Variants in FRAS1 observed in about 807,000 individuals in gnomAD.
The protein encoded by FRAS1 is Fraser extracellular matrix complex subunit 1.
FRAS1 carries 290 observed loss-of-function variants against 435.2 expected under a neutral mutation model. That is an observed-to-expected ratio of 0.67 (90% CI 0.61 to 0.73). The LOEUF (loss-of-function observed/expected upper bound fraction) is 0.73, where lower values mean the gene tolerates loss of function less well. FRAS1 is among the 30% of genes least tolerant of loss of function. The probability of loss-of-function intolerance (pLI) is 0.00; values close to 1 mark genes in which losing one functional copy is unlikely to be tolerated. For synonymous variants in FRAS1, 1,800 were observed against 1,851.0 expected (o/e 0.97, Z 0.71); for missense variants, 4,860 against 5,001.5 (o/e 0.97, Z 0.85).
intron 28 of FRAS1, among the ~76,000 whole-genome samples, chr4:78,386,244 C>T (rs180742663): frequency 2.0e-5 from 3 of 152,160 alleles, no homozygotes; most frequent in Admixed American, 2.0e-4. Context: ...TATTTTCATT[C>T]CTTTAAATTT....
At chr4:78,159,260 G>T (rs578170843) in intron 2 of FRAS1, among the ~76,000 whole-genome samples, 1 of 152,254 alleles carries the variant, frequency 6.6e-6, no homozygotes, top group East Asian at 1.9e-4. Context: ...GATGTACTGG[G>T]AATATGAAGG....
intron 2 of FRAS1, among the ~76,000 whole-genome samples, chr4:78,097,723 C>G (rs763540591): frequency 5.3e-5 from 8 of 152,198 alleles, no homozygotes; most frequent in Admixed American, 2.6e-4. Context: ...GTGCCTCCCA[C>G]AACACATGGG....
chr4:78,418,769 G>A (rs141235291), intron 32 of FRAS1, among the ~76,000 whole-genome samples, 180 bp from the exon 33 acceptor site: 45 of 152,240 alleles, frequency 3.0e-4, no homozygotes, highest in African/African-American at 1.1e-3. Flanking sequence ...TAGGAGGGGA[G>A]GCTTAGGAAA....
chr4:78,512,494 T>C (rs1007020963), intron 64 of FRAS1, among the ~76,000 whole-genome samples: 3 of 143,006 alleles, frequency 2.1e-5, no homozygotes, highest in Non-Finnish European at 4.6e-5. Context: ...GTAAACACGC[T>C]CAAAGTTTAA....
At chr4:78,215,293 T>G (rs1051110918) in intron 2 of FRAS1, among the ~76,000 whole-genome samples, 1 of 152,076 alleles carries the variant, frequency 6.6e-6, no homozygotes, top group Non-Finnish European at 1.5e-5. Flanking sequence ...CCTCCTGGGT[T>G]CAACGAATTC....
At chr4:78,275,614 CT>C (rs1225117463) in intron 9 of FRAS1, among the ~76,000 whole-genome samples, 2 of 152,136 alleles carry the variant, frequency 1.3e-5, no homozygotes, top group Non-Finnish European at 2.9e-5. Context: ...GTTGAGAATT[CT>C]TTTCTTTAAG....
At chr4:78,116,010 A>G (rs13148650) in intron 2 of FRAS1, among the ~76,000 whole-genome samples, 73,523 of 152,066 alleles carry the variant, frequency 0.48, 20,191 homozygotes, top group Non-Finnish European at 0.61. Flanking sequence ...AATGTGTCCC[A>G]GAGATTCTGG....
chr4:78,283,371 A>G (rs186750786), intron 12 of FRAS1, among the ~76,000 whole-genome samples: 277 of 152,368 alleles, frequency 1.8e-3, no homozygotes, highest in Middle Eastern at 0.01. Flanking sequence ...AAGGTGAGCT[A>G]TTGAACAGAT....
In FRAS1 at chr4:78,540,724, G is replaced by A. The variant is rs1456403720; in HGVS notation, c.11639G>A (p.Gly3880Asp). 1.2e-6 allele frequency: 2 copies of A among 1,613,754 alleles called. No individual in the cohort carries two copies. ...AATGAAGGAGACCAAGTCAAGAATG[G>A]CACCAATATGAAGTCCCTGAATCTG... ...YDNEGDQVKNGTNMKSLNLEM... is the reference protein window; with the variant it reads ...YDNEGDQVKNDTNMKSLNLEM... Residue 3880 changes from glycine to aspartate, a missense_variant, in exon 74 of 74, where the codon GGC (glycine) becomes GAC (aspartate). Coordinates refer to ENST00000512123, the MANE Select transcript of FRAS1 (RefSeq NM_025074.7).
Position 78,526,547 on chromosome 4 carries a change from C to T in FRAS1, c.10815C>T (p.Asp3605=), listed in dbSNP as rs1721540231. 3.2e-6 allele frequency: 5 copies of T among 1,586,200 alleles called. No homozygotes were observed. The highest frequency in any genetic ancestry group is 1.3e-5 in the African/African-American group (1 of 74,320). The change falls in exon 70 of 74, where the codon GAC becomes GAT. Residue 3605 remains aspartate, a synonymous_variant. Coordinates refer to ENST00000512123, the MANE Select transcript of FRAS1 (RefSeq NM_025074.7). ...WRATSSYNRK[D]YSGEYTIYLI... ...CTGCTCTGCATGTTTCCAGGAAGGA[C>T]TACTCAGGAGAGTACACCATCTACC...
At chr4:78,504,463 C>T (rs1720772795) in intron 61 of FRAS1, among the ~76,000 whole-genome samples, 2 of 152,208 alleles carry the variant, frequency 1.3e-5, no homozygotes, top group African/African-American at 4.8e-5. Flanking sequence ...GATCCCTTTA[C>T]CATTATGTAA....
chr4:78,119,747 C>T (rs146240267), intron 2 of FRAS1, among the ~76,000 whole-genome samples: 1 of 152,280 alleles, frequency 6.6e-6, no homozygotes, highest in African/African-American at 2.4e-5. Context: ...GCTAATTCAG[C>T]GAGATGAGGG....
In FRAS1 at chr4:78,302,689, T is replaced by A. The variant is rs184328332; in HGVS notation, c.1535-5377T>A. On this transcript the variant is annotated intron_variant, in intron 14 of 73. Transcript: ENST00000512123. ...TGTCTGTTCATGTCCTTCACCCACT[T>A]TTTGATGGGGTTGTTTGTTTTTTTT... Among the ~76,000 whole-genome samples, 883 of 151,630 alleles carry A rather than the reference T, an allele frequency of 5.8e-3. 8 individuals are homozygous for A. The highest frequency in any genetic ancestry group is 0.02 in the African/African-American group (822 of 41,382).
rs368491727 is a variant in FRAS1 at position 78,094,261 on chromosome 4, C to T, written c.108+28245C>T. 5.3e-4 allele frequency among the ~76,000 whole-genome samples: 80 copies of T among 151,592 alleles called. 3 individuals carry two copies. The highest frequency in any genetic ancestry group is 1.7e-3 in the African/African-American group (69 of 41,374). On this transcript the variant is annotated intron_variant, in intron 2 of 73. Coordinates refer to ENST00000512123, the MANE Select transcript of FRAS1 (RefSeq NM_025074.7). ...AATGAAAGGTGAGGTCAATGGATTT[C>T]GGATAAATTTCAAAAAAATGAAAAT... is the stretch of plus-strand genomic sequence containing the variant.
chr4:78,283,488 C>G (rs1246649148), intron 12 of FRAS1, among the ~76,000 whole-genome samples: 1 of 152,192 alleles, frequency 6.6e-6, no homozygotes, highest in South Asian at 2.1e-4. Flanking sequence ...TTCAAATCAC[C>G]TGGGGTTGAA....
At chr4:78,450,857 G>A (rs927373907) in intron 45 of FRAS1, among the ~76,000 whole-genome samples, 2 of 152,152 alleles carry the variant, frequency 1.3e-5, no homozygotes, top group African/African-American at 2.4e-5. Context: ...TAAATGCTAC[G>A]TAGTTACTGT....
chr4:78,238,831 T>A (rs1033393018), intron 3 of FRAS1, among the ~76,000 whole-genome samples: 16 of 152,216 alleles, frequency 1.1e-4, no homozygotes, highest in African/African-American at 3.9e-4. Flanking sequence ...ATAGATTGCA[T>A]TGCTGAAATC....
chr4:78,273,484 T>A (rs187668603), intron 9 of FRAS1, among the ~76,000 whole-genome samples: 5 of 152,354 alleles, frequency 3.3e-5, no homozygotes, highest in Non-Finnish European at 5.9e-5. Context: ...CTCAGATACA[T>A]ACCATCAATA....
At chr4:78,228,274 C>T (rs1724357595) in intron 2 of FRAS1, among the ~76,000 whole-genome samples, 1 of 152,146 alleles carries the variant, frequency 6.6e-6, no homozygotes, top group Non-Finnish European at 1.5e-5. Flanking sequence ...ACAGTAAAGT[C>T]TCCCTAATAT....
Sources: gnomAD v4.1 joint callset for allele counts (sites outside exome capture counted in the v4.1 genomes callset) on GRCh38, gnomAD v4.1.1 for gene constraint, MANE v1.5 for transcripts, NCBI Gene and HGNC (gene_info 2026-07-23, HGNC 2026-07-21) for gene names.